Variants in ADAM28 observed in about 807,000 individuals in gnomAD.
ADAM28 encodes ADAM metallopeptidase domain 28.
A neutral mutation model predicts 101.2 loss-of-function variants in ADAM28; 105 were observed. The ratio of observed to expected loss-of-function variants is 1.04; its 90% CI spans 0.89 to 1.22. The LOEUF (loss-of-function observed/expected upper bound fraction) is 1.22. Ranked by LOEUF, ADAM28 falls within the 50% of genes most tolerant of loss-of-function variation. The pLI, the probability that ADAM28 is intolerant of heterozygous loss-of-function variation, is 0.00. For missense variants in ADAM28, 1,028 were observed against 945.4 expected (o/e 1.09, Z -1.15); for synonymous variants, 322 against 310.6 (o/e 1.04, Z -0.39).
rs377002272 is a variant in ADAM28, at chr8:24,332,709, C to T, written c.1331C>T (p.Thr444Ile). 3.3e-6 allele frequency: 5 copies of T among 1,521,142 alleles called. No individual in the cohort carries two copies. The highest frequency in any genetic ancestry group is 4.4e-6 in the Non-Finnish European group (5 of 1,125,668). The allele number at this position is 1,521,142 out of a possible 1,614,324, so 94.2% of individuals were successfully genotyped here. A position where few individuals can be genotyped will look rare whatever the true frequency, so the allele number is the denominator to read the frequency against. Residue 444 changes from threonine to isoleucine, a missense_variant, in exon 13 of 23, where the codon ACT becomes ATT. Coordinates refer to ENST00000265769, the MANE Select transcript of ADAM28 (RefSeq NM_014265.6). ...GCTAAGACATGTAAAATCAAAGCAA[C>T]TTTTCAATGTGCATTAGGAGAATGT... is the stretch of plus-strand genomic sequence containing the variant. ...CDAKTCKIKA[T>I]FQCALGECCE...
intron 1 of ADAM28, among the ~76,000 whole-genome samples, chr8:24,294,485 A>G (rs140228710): frequency 3.9e-4 from 60 of 152,306 alleles, no homozygotes; most frequent in African/African-American, 1.4e-3. Context: ...TAAATCATGA[A>G]TATGATTTTT....
intron 9 of ADAM28, chr8:24,324,902 G>T (rs933557178): frequency 5.3e-5 from 8 of 151,908 alleles, no homozygotes; most frequent in Non-Finnish European, 1.5e-5. Flanking sequence ...ATGCATCAAG[G>T]TTTTTTATGA....
intron 14 of ADAM28, chr8:24,336,227 GA>G: frequency 1.1e-6 from 1 of 915,252 alleles, no homozygotes; most frequent in Non-Finnish European, 1.3e-6. Context: ...ATTTCACCAA[GA>G]AAACTTGAAA....
chr8:24,355,835 T>A lies in ADAM28; in HGVS notation c.*1431T>A, dbSNP rs1168932696. ...CATTTTGAATTGGATTTTCTCTCAC[T>A]TTCAACAGAGATCATCCTAACTAGT... is the stretch of plus-strand genomic sequence containing the variant. On this transcript the variant is annotated 3_prime_UTR_variant, in exon 23 of 23. Transcript: ENST00000265769. The A allele has an allele frequency of 6.6e-6, 1 of 152,182 alleles. No homozygotes were observed. Among genetic ancestry groups the A allele is most frequent in the Non-Finnish European group, 1.5e-5 (1 of 68,032 alleles). The allele number at this position is 152,182 out of a possible 1,614,324, so 9.4% of individuals were successfully genotyped here. A position where few individuals can be genotyped will look rare whatever the true frequency, so the allele number is the denominator to read the frequency against.
intron 10 of ADAM28, among the ~76,000 whole-genome samples, chr8:24,328,302 G>C (rs1812891875): frequency 6.6e-6 from 1 of 151,686 alleles, no homozygotes; most frequent in South Asian, 2.1e-4. Context: ...CTTATTGGTG[G>C]ATTCAAGGGA....
chr8:24,342,855 G>A, intron 16 of ADAM28: 2 of 525,634 alleles, frequency 3.8e-6, no homozygotes, highest in East Asian at 7.0e-5. Flanking sequence ...CATTGCTTCT[G>A]GGATATACAG....
intron 2 of ADAM28, among the ~76,000 whole-genome samples, chr8:24,303,831 G>C (rs1339793087): frequency 6.6e-6 from 1 of 152,032 alleles, no homozygotes; most frequent in Non-Finnish European, 1.5e-5. Flanking sequence ...GCAGTGGTTT[G>C]TGTTCTCCTT....
At chr8:24,325,871 C>CAAA (rs5890146) in intron 9 of ADAM28, among the ~76,000 whole-genome samples, 2 of 20,416 alleles carry the variant, frequency 9.8e-5, no homozygotes, top group African/African-American at 4.4e-4. Flanking sequence ...GTACAGATAG[C>CAAA]AAAAAAAAAA....
At chr8:24,335,887 G>C (rs1813973382) in intron 14 of ADAM28, 1 of 1,201,008 alleles carries the variant, frequency 8.3e-7, no homozygotes, top group Non-Finnish European at 1.0e-6. Flanking sequence ...TTTGTTTTTT[G>C]TCTCAGCATC....
rs1236723487 is a variant in ADAM28 at position 24,358,861 on chromosome 8, A to C, written c.*4457A>C. 5 of 152,208 alleles carry C rather than the reference A, an allele frequency of 3.3e-5. No homozygotes were observed. Among genetic ancestry groups the C allele is most frequent in the African/African-American group, 1.2e-4 (5 of 41,464 alleles). The allele number at this position is 152,208 out of a possible 1,614,324, so 9.4% of individuals were successfully genotyped here. ...TCATATTAAAGTCCATACTCTTGGG[A>C]TATATCTGACATCTCAATATTAAAT... On this transcript the variant is annotated 3_prime_UTR_variant, in exon 23 of 23. Coordinates refer to ENST00000265769, the MANE Select transcript of ADAM28 (RefSeq NM_014265.6).
chr8:24,331,495 C>T (rs555681837), intron 12 of ADAM28, among the ~76,000 whole-genome samples, 168 bp downstream of exon 12: 33 of 152,218 alleles, frequency 2.2e-4, no homozygotes, highest in African/African-American at 7.7e-4. Context: ...AGGAACCCTG[C>T]ACTTCTGAAC....
intron 13 of ADAM28, among the ~76,000 whole-genome samples, chr8:24,333,508 G>T (rs1288294826): frequency 6.6e-6 from 1 of 152,008 alleles, no homozygotes. Flanking sequence ...TTAAATACAG[G>T]CAACAAAAAA....
chr8:24,318,204 A>C (rs763815989), intron 6 of ADAM28, among the ~76,000 whole-genome samples: 1 of 151,252 alleles, frequency 6.6e-6, no homozygotes. Context: ...GTGAATATCA[A>C]CTCCTGGGTT....
chr8:24,353,435 T>TC (rs397733624), intron 21 of ADAM28, among the ~76,000 whole-genome samples: 1 of 151,682 alleles, frequency 6.6e-6, no homozygotes, highest in Non-Finnish European at 1.5e-5. Context: ...GAGATTTTTT[T>TC]CTTTCAAGAA....
At chr8:24,313,276 T>C in intron 5 of ADAM28, 112 bp from the exon 6 acceptor site, 1 of 976,542 alleles carries the variant, frequency 1.0e-6, no homozygotes, top group Non-Finnish European at 1.5e-6. Flanking sequence ...GAGCTTAAAT[T>C]GTTTTTGACA....
At chr8:24,303,216 T>C (rs546924745) in intron 2 of ADAM28, among the ~76,000 whole-genome samples, 81 of 152,266 alleles carry the variant, frequency 5.3e-4, no homozygotes, top group African/African-American at 1.9e-3. Flanking sequence ...AATTTTTGCC[T>C]GTGCTTATGT....
At chr8:24,350,073 C>T in intron 19 of ADAM28, 101 bp downstream of exon 19, 1 of 1,028,500 alleles carries the variant, frequency 9.7e-7, no homozygotes, top group Non-Finnish European at 1.4e-6. Context: ...AATTGGTTTA[C>T]TTCTAATATT....
chr8:24,329,901 G>T (rs1733553361), intron 10 of ADAM28, 84 bp from the exon 11 acceptor site: 54 of 1,422,330 alleles, frequency 3.8e-5, no homozygotes, highest in Admixed American at 7.3e-5. Flanking sequence ...GAGAGAGAGA[G>T]AGAGAGAGAG....
intron 14 of ADAM28, chr8:24,336,160 AG>A (rs1814020597): frequency 2.0e-6 from 2 of 985,434 alleles, no homozygotes; most frequent in South Asian, 9.4e-5. Flanking sequence ...GAAAAGTGAA[AG>A]TTCTTAAATG....
Sources: gnomAD v4.1 joint callset for allele counts (sites outside exome capture counted in the v4.1 genomes callset) on GRCh38, gnomAD v4.1.1 for gene constraint, MANE v1.5 for transcripts, NCBI Gene and HGNC (gene_info 2026-07-23, HGNC 2026-07-21) for gene names.